Variants in VDR observed in about 807,000 individuals in gnomAD.
The protein encoded by VDR is vitamin D receptor.
A neutral mutation model predicts 39.7 loss-of-function variants in VDR; 19 were observed. That is an observed-to-expected ratio of 0.48 (90% CI 0.33 to 0.70). The LOEUF (loss-of-function observed/expected upper bound fraction) is 0.70. Among genes scored for constraint, VDR ranks in the 30% least tolerant of loss-of-function variants. The pLI, the probability that VDR is intolerant of heterozygous loss-of-function variation, is 0.02. For synonymous variants in VDR, 242 were observed against 215.8 expected (o/e 1.12, Z -1.07); for missense variants, 442 against 570.5 (o/e 0.77, Z 2.29).
At chr12:47,873,422 G>T (rs529438030) in intron 3 of VDR, among the ~76,000 whole-genome samples, 1 of 137,400 alleles carries the variant, frequency 7.3e-6, no homozygotes, top group Non-Finnish European at 1.5e-5. Flanking sequence ...GTGCAGTGGC[G>T]CAATCTCGGC....
At position 47,841,774 on chromosome 12, in the gene VDR, G is replaced by A. The variant is rs539127405; in HGVS notation, c.*2972C>T. ...CATTCCTGCCTTCTCTGTTGACCTC[G>A]CTTGGATTCTCCTACATGCTTCCAG... On this transcript the variant is annotated 3_prime_UTR_variant, in exon 10 of 10. Coordinates refer to ENST00000549336, the MANE Select transcript of VDR (RefSeq NM_000376.3). 1 of 152,202 alleles carries A rather than the reference G, an allele frequency of 6.6e-6. No homozygotes were observed. The highest frequency in any genetic ancestry group is 6.6e-5 in the Admixed American group (1 of 15,260). 9.4% of individuals were successfully genotyped at this position (152,202 alleles called of 1,614,324 possible). A position where few individuals can be genotyped will look rare whatever the true frequency, so the allele number is the denominator to read the frequency against.
intron 7 of VDR, 97 bp from the exon 8 acceptor site, chr12:47,846,905 A>G: frequency 7.2e-7 from 1 of 1,386,580 alleles, no homozygotes; most frequent in Non-Finnish European, 1.0e-6. Context: ...CCTGCTGGGC[A>G]CCAACATGCA....
intron 4 of VDR, among the ~76,000 whole-genome samples, chr12:47,862,590 GTCC>G (rs1453484248): frequency 6.6e-6 from 1 of 152,244 alleles, no homozygotes; most frequent in Non-Finnish European, 1.5e-5. Context: ...CAGGGTTTCT[GTCC>G]TCATCCTTTC....
At chr12:47,890,350 ATATATATTATGTATGTAATATATATTT>A (rs1451393961) in intron 1 of VDR, among the ~76,000 whole-genome samples, 5 of 144,710 alleles carry the variant, frequency 3.5e-5, no homozygotes, top group Admixed American at 1.4e-4. Context: ...TATGTATTTT[ATATATATTATGTATGTAATATATATTT>A]TATATATATA....
Position 47,844,772 on chromosome 12 carries a change from C to T in VDR, c.1258G>A (p.Glu420Lys). ...CAGGAGATCTCATTGCCAAACACTT[C>T]GAGCACAAGGGGCGTTAGCTTCATG... is the stretch of plus-strand genomic sequence containing the variant. ...CSMKLTPLVLEVFGNEIS is the reference protein window; with the variant it reads ...CSMKLTPLVLKVFGNEIS Residue 420 changes from glutamate to lysine, a missense_variant, in exon 10 of 10, where the codon GAA becomes AAA. Transcript: ENST00000549336. The T allele has an allele frequency of 6.2e-7, 1 of 1,614,134 alleles. No homozygotes were observed. The highest frequency in any genetic ancestry group is 1.1e-5 in the South Asian group (1 of 91,088).
chr12:47,846,616 G>C, intron 8 of VDR, 41 bp downstream of exon 8: 1 of 1,612,380 alleles, frequency 6.2e-7, no homozygotes, highest in Non-Finnish European at 8.5e-7. Flanking sequence ...CAGAATCTGG[G>C]AGCTGAAAAA....
chr12:47,885,071 C>T (rs1443930683), intron 1 of VDR, among the ~76,000 whole-genome samples: 1 of 152,180 alleles, frequency 6.6e-6, no homozygotes, highest in Non-Finnish European at 1.5e-5. Context: ...GTCACACGCC[C>T]ACCCCACCAG....
chr12:47,875,272 A>G (rs560756676), intron 3 of VDR, among the ~76,000 whole-genome samples: 7 of 152,246 alleles, frequency 4.6e-5, no homozygotes, highest in Non-Finnish European at 1.0e-4. Context: ...TAAATGGTCA[A>G]ATGGGATTGG....
chr12:47,866,971 GGGC>G (rs1945748198), intron 3 of VDR, among the ~76,000 whole-genome samples: 1 of 151,582 alleles, frequency 6.6e-6, no homozygotes, highest in African/African-American at 2.4e-5. Context: ...ACTCCAGCCT[GGGC>G]AACAGAGCAA....
At position 47,899,822 on chromosome 12, in the gene VDR, C is replaced by G. The variant is rs11168292; in HGVS notation, c.-84+5133G>C. On this transcript the variant is annotated intron_variant, in intron 1 of 9. Coordinates refer to ENST00000549336, the MANE Select transcript of VDR (RefSeq NM_000376.3). ...TTTCCCCACTATGCCTGCTAGAGAA[C>G]ATAACTGTACTTACCCCAAAGAGAA... The G allele has an allele frequency of 0.31, 270,080 of 875,608 alleles. 43,606 individuals carry two copies. Among genetic ancestry groups the G allele is most frequent in the Non-Finnish European group, 0.33 (239,775 of 729,082 alleles). The allele number at this position is 875,608 out of a possible 1,614,324, so 54.2% of individuals were successfully genotyped here.
chr12:47,857,136 G>A lies in VDR; in HGVS notation c.576C>T (p.Thr192=), dbSNP rs200767097. Reference sequence around the variant, plus strand: ...GACTGAAGTCCTGCTTACCTGAAGAGGTGATACAGTGATCTGAGCAGGAGG... The same window carrying A: ...GACTGAAGTCCTGCTTACCTGAAGAAGTGATACAGTGATCTGAGCAGGAGG... ...SSSSCSDHCI[T]SSDMMDSSSF... The change falls in exon 6 of 10, where the codon ACC becomes ACT. Residue 192 remains threonine, a synonymous_variant. Coordinates refer to ENST00000549336, the MANE Select transcript of VDR (RefSeq NM_000376.3). 13 of 1,614,170 alleles carry A rather than the reference G, an allele frequency of 8.1e-6. No individual in the cohort carries two copies. In the East Asian group the frequency reaches 2.5e-4, roughly 30 times the overall value.
rs145124479 is a variant in VDR at position 47,854,611 on chromosome 12, A to G, written c.755+1019T>C. On this transcript the variant is annotated intron_variant, in intron 7 of 9. Coordinates refer to ENST00000549336, the MANE Select transcript of VDR (RefSeq NM_000376.3). ...TCATATCGTTGAATTTAAAGAGATA[A>G]TATGAGGATTCCAGTCAAGCCAGCT... Among the ~76,000 whole-genome samples, 101 of 152,336 alleles carry G rather than the reference A, an allele frequency of 6.6e-4. 2 individuals carry two copies. The East Asian group carries it at 0.014, about 21-fold the overall frequency.
intron 3 of VDR, among the ~76,000 whole-genome samples, chr12:47,869,789 T>C (rs1945815377): frequency 6.6e-6 from 1 of 151,998 alleles, no homozygotes; most frequent in Non-Finnish European, 1.5e-5. Context: ...CTCAGCTACT[T>C]GGGAGGCTAA....
chr12:47,875,437 A>G (rs562975364), intron 3 of VDR, among the ~76,000 whole-genome samples: 4 of 152,226 alleles, frequency 2.6e-5, no homozygotes, highest in Non-Finnish European at 5.9e-5. Context: ...AGGATGCAGT[A>G]CCCACCACAG....
At chr12:47,903,978 G>T (rs1665001580) in intron 1 of VDR, among the ~76,000 whole-genome samples, 1 of 152,084 alleles carries the variant, frequency 6.6e-6, no homozygotes, top group African/African-American at 2.4e-5. Flanking sequence ...GCCCAGGAGA[G>T]CTTCTGCAAT....
intron 9 of VDR, among the ~76,000 whole-genome samples, chr12:47,845,280 C>T (rs1345765209): frequency 6.6e-6 from 1 of 151,866 alleles, no homozygotes; most frequent in Non-Finnish European, 1.5e-5. Context: ...CATCCCTCAG[C>T]GTCCCGATGC....
chr12:47,879,840 ATTG>A (rs1458382276), intron 2 of VDR, among the ~76,000 whole-genome samples: 2 of 152,166 alleles, frequency 1.3e-5, no homozygotes, highest in African/African-American at 4.8e-5. Context: ...TATACAATTA[ATTG>A]TGTTTTCAGA....
At chr12:47,864,030 A>C (rs2137163059) in intron 4 of VDR, among the ~76,000 whole-genome samples, 1 of 152,270 alleles carries the variant, frequency 6.6e-6, no homozygotes, top group African/African-American at 2.4e-5. Flanking sequence ...TCCGCATCTG[A>C]GCAACATCCC....
At chr12:47,864,991 G>C in intron 4 of VDR, 56 bp downstream of exon 4, 2 of 1,608,212 alleles carry the variant, frequency 1.2e-6, no homozygotes, top group Non-Finnish European at 1.7e-6. Context: ...GAGTGGCCAA[G>C]GCCTTTCCCT....
Sources: allele counts gnomAD v4.1 joint callset (sites outside exome capture counted in the v4.1 genomes callset), GRCh38; gene constraint gnomAD v4.1.1; transcripts MANE v1.5; gene names NCBI Gene and HGNC (gene_info 2026-07-23, HGNC 2026-07-21).